GNPAT: variants seen among roughly 807,000 people sequenced by gnomAD.
GNPAT encodes the protein glyceronephosphate O-acyltransferase.
Under a neutral mutation model 78.4 loss-of-function variants are expected in GNPAT, and 30 were observed. The ratio of observed to expected loss-of-function variants is 0.38; its 90% CI spans 0.29 to 0.52. GNPAT has a LOEUF of 0.52. Among genes scored for constraint, GNPAT ranks in the 20% least tolerant of loss-of-function variants. The probability of loss-of-function intolerance (pLI) is 0.84; values close to 1 mark genes in which losing one functional copy is unlikely to be tolerated. For synonymous variants in GNPAT, 271 were observed against 281.1 expected, an observed-to-expected ratio of 0.96 and a Z score of 0.36; for missense variants, 714 against 812.2, an observed-to-expected ratio of 0.88 and a Z score of 1.47.
At chr1:231,253,930 T>C (rs921615709) in intron 2 of GNPAT, among the ~76,000 whole-genome samples, 1 of 152,168 alleles carries the variant, frequency 6.6e-6, no homozygotes, top group Admixed American at 6.6e-5. Flanking sequence ...CCCAGGCATC[T>C]CTCTCCCGAG....
At chr1:231,246,368 G>A (rs910210098) in intron 1 of GNPAT, among the ~76,000 whole-genome samples, 4 of 152,206 alleles carry the variant, frequency 2.6e-5, no homozygotes, top group African/African-American at 4.8e-5. Context: ...ATAAGGACAC[G>A]TAGGCTCTCA....
rs1042029276 is a variant in GNPAT, at chr1:231,277,646, T to A, written c.*104T>A. 2.6e-6 allele frequency: 2 copies of A among 771,032 alleles called. No homozygotes were observed. The highest frequency in any genetic ancestry group is 4.8e-6 in the Non-Finnish European group (2 of 420,456). 47.8% of individuals were successfully genotyped at this position (771,032 alleles called of 1,614,324 possible). ...AAGGAAGAGACACATCCTCTCATAC[T>A]CCCTGAGACTCTGAGAACAGTGGAC... is the stretch of plus-strand genomic sequence containing the variant. On this transcript the variant is annotated 3_prime_UTR_variant, in exon 16 of 16. Coordinates refer to ENST00000366647, the MANE Select transcript of GNPAT (RefSeq NM_014236.4).
intron 14 of GNPAT, 122 bp downstream of exon 14, chr1:231,275,620 A>C: frequency 1.4e-6 from 1 of 719,128 alleles, no homozygotes; most frequent in Non-Finnish European, 2.5e-6. Flanking sequence ...TACTTTCCTT[A>C]TCCATCCTCT....
Position 231,265,879 on chromosome 1 carries a change from T to A in GNPAT, c.772+92T>A. 2.8e-6 allele frequency: 3 copies of A among 1,066,052 alleles called. No homozygotes were observed. In the South Asian group the frequency reaches 3.8e-5, roughly 13 times the overall value. 66.0% of individuals were successfully genotyped at this position (1,066,052 alleles called of 1,614,324 possible). ...CGCTTTATTTAACAAGATATTCTTT[T>A]CAAGTGTAAATGTATAACTGTTGAT... On this transcript the variant is annotated intron_variant, in intron 6 of 15. Coordinates refer to ENST00000366647, the MANE Select transcript of GNPAT (RefSeq NM_014236.4).
chr1:231,258,839 G>A (rs148526894), intron 2 of GNPAT, among the ~76,000 whole-genome samples: 1,652 of 150,252 alleles, frequency 0.011, 37 homozygotes, highest in African/African-American at 0.039. Flanking sequence ...GGGTTTCACC[G>A]TGTTAGCCAG....
Position 231,241,296 on chromosome 1 carries a change from T to A in GNPAT, c.-83T>A, listed in dbSNP as rs1571924520. 2.1e-6 allele frequency: 3 copies of A among 1,422,772 alleles called. No homozygotes were observed. The highest frequency in any genetic ancestry group is 9.9e-7 in the Non-Finnish European group (1 of 1,005,624). 88.1% of individuals were successfully genotyped at this position (1,422,772 alleles called of 1,614,324 possible). A position where few individuals can be genotyped will look rare whatever the true frequency, so the allele number is the denominator to read the frequency against. On this transcript the variant is annotated 5_prime_UTR_variant, in exon 1 of 16. Coordinates refer to ENST00000366647, the MANE Select transcript of GNPAT (RefSeq NM_014236.4). Reference sequence around the variant, plus strand: ...CGCCCTAGGCGAAGTAGGGCCGTCCTGAGCGAAAGAACCGCCCCCAGCAGG... The same window carrying A: ...CGCCCTAGGCGAAGTAGGGCCGTCCAGAGCGAAAGAACCGCCCCCAGCAGG...
chr1:231,277,290 G>C (rs1685744405), intron 15 of GNPAT, among the ~76,000 whole-genome samples: 1 of 152,184 alleles, frequency 6.6e-6, no homozygotes, highest in African/African-American at 2.4e-5. Context: ...TCCTGGCCCT[G>C]GCCCTGTGGC....
At position 231,260,333 on chromosome 1, in the gene GNPAT, A is replaced by AT. The variant is rs1685187638; in HGVS notation, c.262-174_262-173insT. 2.6e-5 allele frequency among the ~76,000 whole-genome samples: 4 copies of AT among 151,376 alleles called. No homozygotes were observed. The South Asian group carries it at 8.4e-4, about 32-fold the overall frequency. ...AATTTCTGGCCTTTAAACTTCTTTA[A>AT]ATAGGCTCATTTATCTACTATGACT... On this transcript the variant is annotated intron_variant, in intron 2 of 15. Transcript: ENST00000366647.
rs201916449 is a variant in GNPAT at position 231,275,451 on chromosome 1, C to T, written c.1890C>T (p.Asn630=). Reference sequence around the variant, plus strand: ...TATTATCTTCTGATGTGCAGAAAAACGCCTTAGCAGCCTGTGTGAGGCTCG... The same window carrying T: ...TATTATCTTCTGATGTGCAGAAAAATGCCTTAGCAGCCTGTGTGAGGCTCG... ...YDVLSSDVQK[N]ALAACVRLGV... Residue 630 remains asparagine (N), a synonymous_variant, in exon 14 of 16, where the codon AAC becomes AAT. Transcript: ENST00000366647. 3.6e-5 allele frequency: 58 copies of T among 1,612,326 alleles called. No homozygotes were observed. Among genetic ancestry groups the T allele is most frequent in the East Asian group, 1.1e-4 (5 of 44,872 alleles).
In GNPAT at chr1:231,266,390, A is replaced by G. The variant is rs772398683; in HGVS notation, c.1038A>G (p.Ser346=). 6.2e-7 allele frequency: 1 copy of G among 1,613,992 alleles called. No homozygotes were observed. Among genetic ancestry groups the G allele is most frequent in the South Asian group, 1.1e-5 (1 of 91,076 alleles). Residue 346 remains serine (S), a synonymous_variant, in exon 8 of 16, where the codon TCA becomes TCG. Transcript: ENST00000366647. ...SLAAGRMSRS[S]YNLVPRYIPQ... ...CAGCTGGGAGGATGAGTCGGAGCTC[A>G]TATAACTTGGTTCCAAGGTGTGACC...
chr1:231,270,496 T>C (rs1040310026), intron 9 of GNPAT, among the ~76,000 whole-genome samples: 3 of 152,196 alleles, frequency 2.0e-5, no homozygotes, highest in Admixed American at 6.5e-5. Flanking sequence ...TAGAAACTGA[T>C]GTGCCTTTCA....
chr1:231,252,607 G>A (rs923284280), intron 2 of GNPAT, among the ~76,000 whole-genome samples: 5 of 152,110 alleles, frequency 3.3e-5, no homozygotes, highest in Non-Finnish European at 7.4e-5. Flanking sequence ...CCTCATTTTT[G>A]CTAGCAGCAG....
chr1:231,262,434 A>G (rs899144188), intron 3 of GNPAT, among the ~76,000 whole-genome samples: 1 of 152,238 alleles, frequency 6.6e-6, no homozygotes, highest in Non-Finnish European at 1.5e-5. Context: ...ACTGTATATA[A>G]AATGATGCTA....
chr1:231,263,088 T>C (rs1266219364), intron 4 of GNPAT, among the ~76,000 whole-genome samples: 1 of 152,210 alleles, frequency 6.6e-6, no homozygotes, highest in Non-Finnish European at 1.5e-5. Flanking sequence ...AAAATGAGAC[T>C]GCACTACTTA....
At chr1:231,269,650 T>C (rs1404323628) in intron 9 of GNPAT, among the ~76,000 whole-genome samples, 1 of 152,176 alleles carries the variant, frequency 6.6e-6, no homozygotes, top group East Asian at 1.9e-4. Context: ...GTGTTAATTA[T>C]GATACAAGTA....
Position 231,277,611 on chromosome 1 carries a change from CAG to C in GNPAT, c.*70_*71del. On this transcript the variant is annotated 3_prime_UTR_variant, in exon 16 of 16. Coordinates refer to ENST00000366647, the MANE Select transcript of GNPAT (RefSeq NM_014236.4). ...TCATCGAAGGACTCATTACAACAAA[CAG>C]GGAAGTAAAGGAAGAGACACATCCT... The C allele has an allele frequency of 2.2e-6, 2 of 909,880 alleles. No homozygotes were observed. Among genetic ancestry groups the C allele is most frequent in the Non-Finnish European group, 3.7e-6 (2 of 537,106 alleles). The allele number at this position is 909,880 out of a possible 1,614,324, so 56.4% of individuals were successfully genotyped here.
intron 8 of GNPAT, 55 bp downstream of exon 8, chr1:231,266,462 G>A (rs1055108798): frequency 4.1e-6 from 6 of 1,478,422 alleles, no homozygotes; most frequent in Non-Finnish European, 4.7e-6. Context: ...ATCCAAAGGT[G>A]TGAGTTGCAA....
At chr1:231,246,570 T>G (rs1049792044) in intron 1 of GNPAT, among the ~76,000 whole-genome samples, 2 of 152,200 alleles carry the variant, frequency 1.3e-5, no homozygotes, top group Admixed American at 6.5e-5. Flanking sequence ...GGGGGAGAGA[T>G]AGTTCCCCTA....
chr1:231,260,427 G>T (rs955741643), intron 2 of GNPAT, 80 bp from the exon 3 acceptor site: 10 of 930,578 alleles, frequency 1.1e-5, no homozygotes, highest in Non-Finnish European at 1.8e-5. Context: ...TTTGGAACTA[G>T]TCATACTGGT....
Sources: gnomAD v4.1 joint callset for allele counts (sites outside exome capture counted in the v4.1 genomes callset) on GRCh38, gnomAD v4.1.1 for gene constraint, MANE v1.5 for transcripts, NCBI Gene and HGNC (gene_info 2026-07-23, HGNC 2026-07-21) for gene names.